The following MADD variants were observed in gnomAD, a reference collection of about 807,000 sequenced individuals.
The protein encoded by MADD is MAP kinase-activating death domain protein.
In MADD, 109 loss-of-function variants were observed where a neutral mutation model predicts 176.7. The observed-to-expected ratio is 0.62, with a 90% CI of 0.53 to 0.72. The LOEUF is 0.72. Among genes scored for constraint, MADD ranks in the 30% least tolerant of loss-of-function variants. The pLI, the probability that MADD is intolerant of heterozygous loss-of-function variation, is 0.00. For synonymous variants in MADD, 771 were observed against 771.3 expected (o/e 1.00, Z 0.01); for missense variants, 1,914 against 2,045.5 (o/e 0.94, Z 1.24).
intron 15 of MADD, 104 bp downstream of exon 16, chr11:47,289,131 G>A: frequency 8.5e-7 from 1 of 1,174,204 alleles, no homozygotes. Flanking sequence ...CGTCACATGA[G>A]TGACCTGCTT....
At chr11:47,309,940 C>G (rs1293012155) in intron 25 of MADD, among the ~76,000 whole-genome samples, 2 of 150,176 alleles carry the variant, frequency 1.3e-5, no homozygotes, top group Admixed American at 6.7e-5. Context: ...CTCCCCAGTT[C>G]AAGTGATTCT....
chr11:47,311,903 T>TG, intron 26 of MADD, 61 bp downstream of exon 29: 1 of 1,044,612 alleles, frequency 9.6e-7, no homozygotes, highest in Non-Finnish European at 1.5e-6. Flanking sequence ...TTGTGTCACT[T>TG]GCAGTCCAGT....
At chr11:47,324,493 C>T (rs1399444281) in exon 30 of MADD, 1 of 1,613,902 alleles carries the variant, frequency 6.2e-7, no homozygotes, top group African/African-American at 1.3e-5. Flanking sequence ...GTGGCGAGTT[C>T]CCTGTGCAGG....
chr11:47,313,829 G>A (rs1477968680), intron 26 of MADD, among the ~76,000 whole-genome samples: 1 of 151,678 alleles, frequency 6.6e-6, no homozygotes, highest in Non-Finnish European at 1.5e-5. Flanking sequence ...GCGCGATCTC[G>A]GCTCACTACA....
At chr11:47,274,345 A>G (rs1186239137) in intron 2 of MADD, among the ~76,000 whole-genome samples, 1 of 152,216 alleles carries the variant, frequency 6.6e-6, no homozygotes, top group Non-Finnish European at 1.5e-5. Context: ...TTATTGTCAA[A>G]ATCTCCCCTT....
intron 22 of MADD, 79 bp from the exon 25 acceptor site, chr11:47,308,512 C>A: frequency 2.1e-6 from 2 of 963,388 alleles, no homozygotes; most frequent in East Asian, 2.5e-5. Context: ...GTGTGAGAGC[C>A]TCTTAGTGAA....
rs139193120 is a variant in MADD, at chr11:47,289,587, C to T, written c.2756+94C>T. The T allele has an allele frequency of 4.1e-4, 419 of 1,028,908 alleles. 4 individuals are homozygous for T. The East Asian group carries it at 9.6e-3, about 24-fold the overall frequency. The allele number at this position is 1,028,908 out of a possible 1,614,324, so 63.7% of individuals were successfully genotyped here. On this transcript the variant is annotated intron_variant, in intron 16 of 32. Transcript: ENST00000402192. Reference sequence around the variant, plus strand: ...GGGATGCTCAAGAGTGGGAGAGAAGCTCTCAATGGGGTAGATGTAATCAAT... The same window carrying T: ...GGGATGCTCAAGAGTGGGAGAGAAGTTCTCAATGGGGTAGATGTAATCAAT...
intron 23 of MADD, 76 bp from the exon 27 acceptor site, chr11:47,309,205 T>G: frequency 3.2e-6 from 5 of 1,572,184 alleles, no homozygotes; most frequent in Non-Finnish European, 4.3e-6. Flanking sequence ...TATCTGGATT[T>G]TACTCTTTAT....
At chr11:47,270,539 G>C (rs1474331556) in intron 1 of MADD, 2 of 151,880 alleles carry the variant, frequency 1.3e-5, no homozygotes, top group Admixed American at 1.3e-4. Context: ...CAGCAGGTGA[G>C]GGGGCGGGCA....
intron 27 of MADD, among the ~76,000 whole-genome samples, chr11:47,319,733 G>A (rs778534587): frequency 6.6e-6 from 1 of 152,212 alleles, no homozygotes. Flanking sequence ...ACATGAGCCT[G>A]TAATCCCAGC....
intron 19 of MADD, 76 bp downstream of exon 21, chr11:47,292,672 C>T (rs1592967369): frequency 1.2e-5 from 17 of 1,459,120 alleles, no homozygotes; most frequent in Non-Finnish European, 1.6e-5. Context: ...GGGGCAGGCT[C>T]CCTTTGTCAG....
chr11:47,315,162 G>A (rs2092360877), intron 26 of MADD, 58 bp from the exon 30 acceptor site: 1 of 1,010,784 alleles, frequency 9.9e-7, no homozygotes, highest in Non-Finnish European at 1.6e-6. Flanking sequence ...GGAATTCTTG[G>A]CCCAGAGCCC....
intron 22 of MADD, among the ~76,000 whole-genome samples, chr11:47,307,666 T>G (rs2084039598): frequency 6.6e-6 from 1 of 151,502 alleles, no homozygotes; most frequent in African/African-American, 2.4e-5. Context: ...TTTTGTGAGA[T>G]GGAGTCTCAT....
At chr11:47,327,047 G>A in intron 31 of MADD, 3 of 1,272,476 alleles carry the variant, frequency 2.4e-6, no homozygotes, top group Non-Finnish European at 3.0e-6. Flanking sequence ...GTTTAGAGGT[G>A]GTCCTGAAGC....
intron 22 of MADD, among the ~76,000 whole-genome samples, chr11:47,302,893 C>T (rs956873882): frequency 6.6e-6 from 1 of 152,014 alleles, no homozygotes; most frequent in African/African-American, 2.4e-5. Flanking sequence ...TGATTCTTTT[C>T]TTTTTCTCCT....
chr11:47,283,065 C>A, intron 10 of MADD, 96 bp downstream of exon 10: 1 of 998,142 alleles, frequency 1.0e-6, no homozygotes, highest in South Asian at 2.8e-5. Flanking sequence ...ATAGGCTTCC[C>A]ATATCAGTGT....
In MADD at chr11:47,308,772, C is replaced by G. The variant is rs576043223; in HGVS notation, c.3751+73C>G. The G allele has an allele frequency of 4.6e-5, 59 of 1,274,514 alleles. 1 individual carries two copies. In the South Asian group the frequency reaches 6.6e-4, roughly 14 times the overall value. The allele number at this position is 1,274,514 out of a possible 1,614,324, so 79.0% of individuals were successfully genotyped here. On this transcript the variant is annotated intron_variant, in intron 23 of 32. Transcript: ENST00000402192. ...AGCCAGGGGAGAGGGTCACACTGAACAAGTAGCTGGTTGTCTTTCTGCTGA... is the reference window on the plus strand; with the variant it reads ...AGCCAGGGGAGAGGGTCACACTGAAGAAGTAGCTGGTTGTCTTTCTGCTGA...
At position 47,308,711 on chromosome 11, in the gene MADD, A is replaced by C; in HGVS notation, c.3751+12A>C. ...TGAGGGACTCCTAGGTGAGAAACAC[A>C]CTGGGAAGGCCCTTTGCACTGGAGA... On this transcript the variant is annotated intron_variant, in intron 23 of 32. Coordinates refer to ENST00000402192, the Ensembl canonical transcript of MADD. 6.2e-7 allele frequency: 1 copy of C among 1,604,742 alleles called. No individual in the cohort carries two copies.
chr11:47,282,295 A>G, intron 8 of MADD, 86 bp from the exon 9 acceptor site: 1 of 1,039,830 alleles, frequency 9.6e-7, no homozygotes, highest in Admixed American at 1.9e-5. Context: ...CTGTTAAGTG[A>G]TGGCTTTGGG....
Sources: allele counts gnomAD v4.1 joint callset (sites outside exome capture counted in the v4.1 genomes callset), GRCh38; gene constraint gnomAD v4.1.1; transcripts MANE v1.5; gene names NCBI Gene and HGNC (gene_info 2026-07-23, HGNC 2026-07-21).